The following CENPK variants were observed in gnomAD, a reference collection of about 807,000 sequenced individuals.
The protein encoded by CENPK is SoxLZ/Sox6-binding protein Solt.
CENPK carries 46 observed loss-of-function variants against 40.9 expected under a neutral mutation model. The observed-to-expected ratio is 1.13, with a 90% CI of 0.89 to 1.44. The LOEUF (loss-of-function observed/expected upper bound fraction) is 1.44. Ranked by LOEUF, CENPK falls within the 40% of genes most tolerant of loss-of-function variation. The pLI is 0.00. For missense variants in CENPK, 288 were observed against 303.5 expected (o/e 0.95, Z 0.38); for synonymous variants, 107 against 104.4 (o/e 1.02, Z -0.15).
chr5:65,507,956 CATG>C, the CENPK span, among the ~76,000 whole-genome samples: 1 of 152,142 alleles, frequency 6.6e-6, no homozygotes, highest in Admixed American at 6.6e-5. Flanking sequence ...GACATTTTCT[CATG>C]ATTAGAATGA....
chr5:65,533,850 G>A (rs1438353518), intron 6 of CENPK, among the ~76,000 whole-genome samples: 1 of 151,980 alleles, frequency 6.6e-6, no homozygotes, highest in Non-Finnish European at 1.5e-5. Flanking sequence ...AGACCATCCT[G>A]GCTAAAATGG....
At chr5:65,547,866 G>A (rs1203360893) in intron 5 of CENPK, among the ~76,000 whole-genome samples, 6 of 152,052 alleles carry the variant, frequency 3.9e-5, no homozygotes, top group Non-Finnish European at 5.9e-5. Context: ...GGGTTTCACC[G>A]TGTTAGCCAG....
chr5:65,524,919 G>T (rs1418069585), intron 9 of CENPK, among the ~76,000 whole-genome samples: 2 of 152,158 alleles, frequency 1.3e-5, no homozygotes, highest in African/African-American at 4.8e-5. Flanking sequence ...TAAACAAACT[G>T]TAATTAAATT....
At chr5:65,560,570 C>T (rs1751789685) in intron 2 of CENPK, among the ~76,000 whole-genome samples, 1 of 151,930 alleles carries the variant, frequency 6.6e-6, no homozygotes, top group Non-Finnish European at 1.5e-5. Context: ...TAGAAACTGG[C>T]AAAGAACACA....
chr5:65,554,731 G>A, intron 3 of CENPK, 66 bp downstream of exon 3: 1 of 864,302 alleles, frequency 1.2e-6, no homozygotes, highest in Non-Finnish European at 1.9e-6. Flanking sequence ...TCTTTCCTGA[G>A]TCTATTTATT....
At chr5:65,547,636 G>A (rs1749243595) in intron 5 of CENPK, among the ~76,000 whole-genome samples, 1 of 151,946 alleles carries the variant, frequency 6.6e-6, no homozygotes. Context: ...AGAGAATGAG[G>A]AGAAAACAGC....
chr5:65,546,598 C>T (rs572885187), intron 5 of CENPK, among the ~76,000 whole-genome samples: 11 of 152,270 alleles, frequency 7.2e-5, no homozygotes, highest in African/African-American at 2.2e-4. Flanking sequence ...TCCCCAATAC[C>T]TTTGAATATG....
the CENPK span, among the ~76,000 whole-genome samples, chr5:65,506,622 A>G: frequency 5.9e-5 from 9 of 152,176 alleles, no homozygotes; most frequent in East Asian, 5.8e-4. Context: ...TGTCTCTACT[A>G]AAAATACAAA....
intron 6 of CENPK, among the ~76,000 whole-genome samples, chr5:65,538,825 T>A (rs1020422708): frequency 6.6e-6 from 1 of 152,212 alleles, no homozygotes; most frequent in Non-Finnish European, 1.5e-5. Context: ...TTCTCAGATA[T>A]ATAGGTAAGA....
intron 2 of CENPK, among the ~76,000 whole-genome samples, chr5:65,560,195 T>C (rs1315625838): frequency 1.3e-5 from 2 of 152,016 alleles, no homozygotes; most frequent in African/African-American, 4.8e-5. Context: ...AAAGTTAAAA[T>C]TTAAAACCCC....
chr5:65,521,599 T>C (rs1426123972), intron 9 of CENPK, 71 bp from the exon 10 acceptor site: 5 of 1,018,356 alleles, frequency 4.9e-6, no homozygotes, highest in Non-Finnish European at 7.5e-6. Flanking sequence ...TGGACTGTTT[T>C]TATAAGACTT....
At chr5:65,560,325 T>A (rs1395633108) in intron 2 of CENPK, among the ~76,000 whole-genome samples, 1 of 151,980 alleles carries the variant, frequency 6.6e-6, no homozygotes, top group Non-Finnish European at 1.5e-5. Flanking sequence ...AAAAAAAATT[T>A]AAAAAAGATT....
intron 6 of CENPK, among the ~76,000 whole-genome samples, chr5:65,529,958 C>T (rs1745475928): frequency 6.6e-6 from 1 of 151,924 alleles, no homozygotes; most frequent in Admixed American, 6.6e-5. Flanking sequence ...GCACGTGCCA[C>T]CACGCCCAGC....
At chr5:65,500,868 C>T in the CENPK span, among the ~76,000 whole-genome samples, 6 of 152,092 alleles carry the variant, frequency 3.9e-5, no homozygotes, top group Admixed American at 3.9e-4. Flanking sequence ...GACGGGGTTA[C>T]ACCATGTTGG....
chr5:65,524,684 A>G (rs1744368597), intron 9 of CENPK: 1 of 154,894 alleles, frequency 6.5e-6, no homozygotes, highest in Non-Finnish European at 1.5e-5. Flanking sequence ...CCATCTCAAA[A>G]AAAAAAAAAG....
chr5:65,549,714 T>C (rs554149752), intron 5 of CENPK, among the ~76,000 whole-genome samples: 1 of 152,342 alleles, frequency 6.6e-6, no homozygotes, highest in African/African-American at 2.4e-5. Flanking sequence ...CTTCTGCAGC[T>C]TCCTCATCTC....
At chr5:65,542,739 T>A (rs1016544627) in intron 6 of CENPK, 63 bp downstream of exon 6, 2 of 1,240,392 alleles carry the variant, frequency 1.6e-6, no homozygotes, top group African/African-American at 3.0e-5. Context: ...TGCCATGAAC[T>A]TATCTAAAAT....
chr5:65,558,106 G>A (rs750122260), intron 2 of CENPK, among the ~76,000 whole-genome samples: 2 of 151,924 alleles, frequency 1.3e-5, no homozygotes, highest in African/African-American at 2.4e-5. Context: ...AAGCAAGACC[G>A]TTAAGACCAT....
At chr5:65,558,989 TTA>T (rs1751452289) in intron 2 of CENPK, among the ~76,000 whole-genome samples, 1 of 152,132 alleles carries the variant, frequency 6.6e-6, no homozygotes, top group African/African-American at 2.4e-5. Flanking sequence ...TGGAAGAGGA[TTA>T]GAGTCTGGTG....
Sources: allele counts gnomAD v4.1 joint callset (sites outside exome capture counted in the v4.1 genomes callset), GRCh38; gene constraint gnomAD v4.1.1; transcripts MANE v1.5; gene names NCBI Gene and HGNC (gene_info 2026-07-23, HGNC 2026-07-21).